Variants in ACSL1 observed in about 807,000 individuals in gnomAD.
ACSL1 encodes the protein long-chain-fatty-acid--CoA ligase 1.
Under a neutral mutation model 98.4 loss-of-function variants are expected in ACSL1, and 41 were observed. The observed-to-expected ratio is 0.42, with a 90% CI of 0.32 to 0.54. The LOEUF (loss-of-function observed/expected upper bound fraction) is 0.54, where lower values mean the gene tolerates loss of function less well. ACSL1 is among the 20% of genes least tolerant of loss of function. ACSL1 has a pLI of 0.13. For missense variants in ACSL1, 734 were observed against 883.1 expected, an observed-to-expected ratio of 0.83 and a Z score of 2.14; for synonymous variants, 316 against 322.7, an observed-to-expected ratio of 0.98 and a Z score of 0.22.
At position 184,776,963 on chromosome 4, in the gene ACSL1, T is replaced by C. The variant is rs1352965252; in HGVS notation, c.498A>G (p.Gly166=). The C allele has an allele frequency of 6.8e-6, 11 of 1,614,014 alleles. No individual in the cohort carries two copies. The highest frequency in any genetic ancestry group is 9.3e-6 in the Non-Finnish European group (11 of 1,180,030). Residue 166 remains glycine, a synonymous_variant, in exon 6 of 21, where the codon GGA becomes GGG. Coordinates refer to ENST00000281455, the MANE Select transcript of ACSL1 (RefSeq NM_001995.5). The stretch of plus-strand genomic sequence containing the variant: ...CGATCACCATCGAATAAGCAAAGCA[T>C]CCTTGTTCAATAATCACCCACTAAA... ...NRPEWVIIEQ[G]CFAYSMVIVP...
At chr4:184,811,960 G>A (rs915664342) in intron 1 of ACSL1, among the ~76,000 whole-genome samples, 1 of 152,128 alleles carries the variant, frequency 6.6e-6, no homozygotes, top group Non-Finnish European at 1.5e-5. Context: ...GGAGACAGGA[G>A]GGTGATTTGT....
At chr4:184,796,138 G>A (rs1411164362) in intron 2 of ACSL1, among the ~76,000 whole-genome samples, 3 of 152,154 alleles carry the variant, frequency 2.0e-5, no homozygotes, top group South Asian at 2.1e-4. Context: ...TTAAAAGCAG[G>A]CAGAGGAATT....
chr4:184,785,600 CGGGGGCGGGGGG>C (rs1214524392), intron 3 of ACSL1, among the ~76,000 whole-genome samples: 241 of 19,188 alleles, frequency 0.013, 37 homozygotes, highest in African/African-American at 0.019. Context: ...TCCTCCTGGG[CGGGGGCGGGGGG>C]GGGGGGGGGA....
chr4:184,793,398 G>A lies in ACSL1; in HGVS notation c.196-4667C>T, dbSNP rs113446285. ...GAACATCTGCATATCAAAGGTTTCC[G>A]AGGCCAGAACTCTCACCAATATTTG... is the stretch of plus-strand genomic sequence containing the variant. On this transcript the variant is annotated intron_variant, in intron 2 of 20. Coordinates refer to ENST00000281455, the MANE Select transcript of ACSL1 (RefSeq NM_001995.5). Among the ~76,000 whole-genome samples, 255 of 152,268 alleles carry A rather than the reference G, an allele frequency of 1.7e-3. 1 individual carries two copies. The highest frequency in any genetic ancestry group is 5.9e-3 in the African/African-American group (245 of 41,538).
chr4:184,763,543 C>G (rs1253478214), intron 15 of ACSL1, among the ~76,000 whole-genome samples: 1 of 152,006 alleles, frequency 6.6e-6, no homozygotes, highest in Non-Finnish European at 1.5e-5. Flanking sequence ...TGGAAGCAGC[C>G]TCTCTCAAAC....
rs1285416087 is a variant in ACSL1, at chr4:184,760,475, C to T, written c.1664G>A (p.Arg555Gln). ...LPNGTLKIIDRKKHIFKLAQG... is the reference protein window; with the variant it reads ...LPNGTLKIIDQKKHIFKLAQG... ...TGCCAGCTTAAATATGTGCTTTTTC[C>T]GGTCGATAATTTTCAAGGTGCCATT... The change falls in exon 18 of 21, where the codon CGG (arginine) becomes CAG (glutamine). Residue 555 changes from arginine (R) to glutamine (Q), a missense_variant. Physicochemically the swap from Arg to Gln is conservative, Grantham distance 43 (BLOSUM62 1). Transcript: ENST00000281455. 9.9e-6 allele frequency: 16 copies of T among 1,613,850 alleles called. No individual in the cohort carries two copies. The highest frequency in any genetic ancestry group is 1.1e-5 in the Non-Finnish European group (13 of 1,179,956).
chr4:184,773,524 A>C lies in ACSL1; in HGVS notation c.841+139T>G, dbSNP rs1764815800. ...TCTGAGAAGATCTTACAGAGCAACAAGAAGACAGCACTTGAACCGCTTCCT... is the reference window on the plus strand; with the variant it reads ...TCTGAGAAGATCTTACAGAGCAACACGAAGACAGCACTTGAACCGCTTCCT... On this transcript the variant is annotated intron_variant, in intron 9 of 20. Transcript: ENST00000281455. This position sits in a 1 kb window ranked among gnomAD's most constrained non-coding sequence, Gnocchi z 4.3. The C allele has an allele frequency of 6.0e-5, 46 of 772,160 alleles. 1 individual carries two copies. In the South Asian group the frequency reaches 8.3e-4, roughly 14 times the overall value. The allele number at this position is 772,160 out of a possible 1,614,324, so 47.8% of individuals were successfully genotyped here.
intron 15 of ACSL1, 62 bp from the exon 16 acceptor site, chr4:184,763,317 T>A: frequency 2.0e-6 from 3 of 1,465,510 alleles, no homozygotes; most frequent in Non-Finnish European, 2.8e-6. Context: ...CAGGTCAAAT[T>A]ATTTTGATAG....
chr4:184,779,019 G>A (rs535958776), intron 5 of ACSL1, among the ~76,000 whole-genome samples: 3 of 151,662 alleles, frequency 2.0e-5, no homozygotes, highest in South Asian at 4.2e-4. Flanking sequence ...GAATAAATTC[G>A]ATTTCTTCAA....
At chr4:184,823,858 C>CCATG (rs1188874036) in intron 1 of ACSL1, among the ~76,000 whole-genome samples, 1 of 152,154 alleles carries the variant, frequency 6.6e-6, no homozygotes, top group African/African-American at 2.4e-5. Flanking sequence ...TCTGCATACA[C>CCATG]CATGCATGCT....
In ACSL1 at chr4:184,803,234, C is replaced by A. The variant is rs1392174964; in HGVS notation, c.195+86G>T. Reference sequence around the variant, plus strand: ...GTGCAGTTATAAACAAATATTTGATCTTGATGGCTATCACATTCAACAGGG... The same window carrying A: ...GTGCAGTTATAAACAAATATTTGATATTGATGGCTATCACATTCAACAGGG... On this transcript the variant is annotated intron_variant, in intron 2 of 20. Coordinates refer to ENST00000281455, the MANE Select transcript of ACSL1 (RefSeq NM_001995.5). The surrounding 1 kb of genome is among the most constrained non-coding windows in gnomAD (Gnocchi z 4.8). The A allele has an allele frequency of 4.0e-6, 5 of 1,235,730 alleles. No homozygotes were observed. Among genetic ancestry groups the A allele is most frequent in the Non-Finnish European group, 5.5e-6 (5 of 914,024 alleles). The allele number at this position is 1,235,730 out of a possible 1,614,324, so 76.5% of individuals were successfully genotyped here.
chr4:184,802,103 A>G (rs1770626424), intron 2 of ACSL1, among the ~76,000 whole-genome samples: 1 of 152,260 alleles, frequency 6.6e-6, no homozygotes, highest in African/African-American at 2.4e-5. Flanking sequence ...CTGAGGTGAA[A>G]TATTAAGGTA....
At chr4:184,824,830 G>GA (rs373488065) in intron 1 of ACSL1, among the ~76,000 whole-genome samples, 2 of 151,218 alleles carry the variant, frequency 1.3e-5, no homozygotes, top group Non-Finnish European at 3.0e-5. Flanking sequence ...CTTGAAAAAA[G>GA]AAAAAAAAGA....
At chr4:184,824,378 C>T (rs1370072227) in intron 1 of ACSL1, among the ~76,000 whole-genome samples, 1 of 152,068 alleles carries the variant, frequency 6.6e-6, no homozygotes, top group Non-Finnish European at 1.5e-5. Context: ...CTGCCCGCCT[C>T]GGTCTCCCAA....
intron 14 of ACSL1, 112 bp from the exon 15 acceptor site, chr4:184,765,037 T>A: frequency 9.3e-7 from 1 of 1,074,658 alleles, no homozygotes; most frequent in Non-Finnish European, 1.4e-6. Flanking sequence ...ACTGGTGAAA[T>A]CTCATTTCAA....
rs1160484707 is a variant in ACSL1 at position 184,767,770 on chromosome 4, T to C, written c.1128+546A>G. Among the ~76,000 whole-genome samples the C allele has an allele frequency of 2.0e-5, 3 of 152,234 alleles. No homozygotes were observed. In the East Asian group the frequency reaches 5.8e-4, roughly 29 times the overall value. On this transcript the variant is annotated intron_variant, in intron 12 of 20. Coordinates refer to ENST00000281455, the MANE Select transcript of ACSL1 (RefSeq NM_001995.5). ...GAACACTCTTTCTGGAGATTGCTCATGCCCCTCGCGCCTGGCCCTGGCTGT... is the reference window on the plus strand; with the variant it reads ...GAACACTCTTTCTGGAGATTGCTCACGCCCCTCGCGCCTGGCCCTGGCTGT...
chr4:184,824,984 G>A (rs1479375022), intron 1 of ACSL1, among the ~76,000 whole-genome samples: 1 of 152,156 alleles, frequency 6.6e-6, no homozygotes, highest in African/African-American at 2.4e-5. Flanking sequence ...CTAATCAAAG[G>A]TCAAGAAAAT....
In ACSL1 at chr4:184,773,553, C is replaced by A; in HGVS notation, c.841+110G>T. On this transcript the variant is annotated intron_variant, in intron 9 of 20. Coordinates refer to ENST00000281455, the MANE Select transcript of ACSL1 (RefSeq NM_001995.5). This position sits in a 1 kb window ranked among gnomAD's most constrained non-coding sequence, Gnocchi z 4.3. ...GACAGCACTTGAACCGCTTCCTTCT[C>A]TTCTGCTTTTGGTCCGTCTACTGTT... The A allele has an allele frequency of 1.9e-6, 2 of 1,055,424 alleles. No individual in the cohort carries two copies. The highest frequency in any genetic ancestry group is 2.8e-6 in the Non-Finnish European group (2 of 725,452). The allele number at this position is 1,055,424 out of a possible 1,614,324, so 65.4% of individuals were successfully genotyped here. A position where few individuals can be genotyped will look rare whatever the true frequency, so the allele number is the denominator to read the frequency against.
intron 2 of ACSL1, among the ~76,000 whole-genome samples, chr4:184,790,233 T>C (rs1371607664): frequency 1.3e-5 from 2 of 152,208 alleles, no homozygotes; most frequent in Non-Finnish European, 2.9e-5. Context: ...TATCCATTTC[T>C]CTTCCTACAA....
Sources: allele counts gnomAD v4.1 joint callset (sites outside exome capture counted in the v4.1 genomes callset), GRCh38; gene constraint gnomAD v4.1.1; non-coding constraint Gnocchi (gnomAD v3.1); transcripts MANE v1.5; gene names NCBI Gene and HGNC (gene_info 2026-07-23, HGNC 2026-07-21).